Variants in CEP85 observed in about 807,000 individuals in gnomAD.
CEP85 encodes the protein centrosomal protein 85, also known as centrosomal protein of 85 kDa.
A neutral mutation model predicts 93.7 loss-of-function variants in CEP85; 58 were observed. The observed-to-expected ratio is 0.62, with a 90% CI of 0.50 to 0.77. CEP85 has a LOEUF of 0.77. Among genes scored for constraint, CEP85 ranks in the 30% least tolerant of loss-of-function variants. The pLI is 0.00. For missense variants in CEP85, 868 were observed against 922.0 expected (o/e 0.94, Z 0.76); for synonymous variants, 314 against 338.6 (o/e 0.93, Z 0.80).
In CEP85 at chr1:26,245,987, A is replaced by G. The variant is rs895392642; in HGVS notation, c.208+1669A>G. Reference sequence around the variant, plus strand: ...ATAGTGAGACCCTGTCTCAAAAAAAAAAAGTAAGTTCAATCACTTTGTTAC... The same window carrying G: ...ATAGTGAGACCCTGTCTCAAAAAAAGAAAGTAAGTTCAATCACTTTGTTAC... On this transcript the variant is annotated intron_variant, in intron 3 of 13. Transcript: ENST00000451429. Among the ~76,000 whole-genome samples the G allele has an allele frequency of 9.9e-5, 15 of 151,878 alleles. No individual in the cohort carries two copies. The South Asian group carries it at 3.1e-3, about 32-fold the overall frequency.
chr1:26,255,601 C>CA lies in CEP85; in HGVS notation c.640dup (p.Thr214AsnfsTer3). 1 of 1,614,102 alleles carries CA rather than the reference C, an allele frequency of 6.2e-7. No individual in the cohort carries two copies. Among genetic ancestry groups the CA allele is most frequent in the Non-Finnish European group, 8.5e-7 (1 of 1,180,022 alleles). On this transcript the variant is annotated frameshift_variant, in exon 4 of 14. Transcript: ENST00000451429. LOFTEE classifies it high-confidence loss of function. ...TCCGCTTCCACAACCCAAGAACCAG[C>CA]ACAAGTAAGGAGTTGTACAGAGTGT...
At chr1:26,236,032 GCTGT>G (rs2089322088) in intron 1 of CEP85, among the ~76,000 whole-genome samples, 1 of 152,224 alleles carries the variant, frequency 6.6e-6, no homozygotes, top group Admixed American at 6.5e-5. Flanking sequence ...TGCAGCTCTA[GCTGT>G]CTGAGGCAGA....
chr1:26,274,493 A>T (rs1020766453), intron 11 of CEP85, among the ~76,000 whole-genome samples: 2 of 152,240 alleles, frequency 1.3e-5, no homozygotes, highest in African/African-American at 4.8e-5. Context: ...GATGGATATG[A>T]TAGCAAGGTA....
intron 12 of CEP85, among the ~76,000 whole-genome samples, chr1:26,275,555 A>C (rs2124616952): frequency 6.6e-6 from 1 of 152,326 alleles, no homozygotes; most frequent in Middle Eastern, 3.4e-3. Flanking sequence ...CTGGGATTAC[A>C]GTCGTGAGCC....
intron 8 of CEP85, among the ~76,000 whole-genome samples, chr1:26,268,873 G>T (rs1042219066): frequency 6.6e-6 from 1 of 152,184 alleles, no homozygotes; most frequent in Non-Finnish European, 1.5e-5. Flanking sequence ...GAATCAGTAA[G>T]TTCAGGTCTC....
intron 2 of CEP85, among the ~76,000 whole-genome samples, chr1:26,240,792 G>C (rs1339562319): frequency 6.6e-6 from 1 of 152,094 alleles, no homozygotes; most frequent in Non-Finnish European, 1.5e-5. Flanking sequence ...CAGCTACTTG[G>C]GAGGCTGAGG....
intron 2 of CEP85, among the ~76,000 whole-genome samples, chr1:26,241,244 A>ATTTTTTTTTTC: frequency 9.2e-6 from 1 of 109,288 alleles, no homozygotes; most frequent in South Asian, 2.7e-4. Context: ...ATTCAGCAGA[A>ATTTTTTTTTTC]TTTTTTTTTT....
At chr1:26,255,136 C>T in intron 3 of CEP85, 35 bp from the exon 4 acceptor site, 1 of 1,567,930 alleles carries the variant, frequency 6.4e-7, no homozygotes, top group Non-Finnish European at 8.7e-7. Context: ...CTTGCTACTT[C>T]AATTTTTACT....
chr1:26,257,777 C>G (rs374961559), intron 5 of CEP85, 47 bp downstream of exon 5: 9 of 1,603,246 alleles, frequency 5.6e-6, no homozygotes, highest in Non-Finnish European at 7.7e-6. Context: ...CTCCCAGGCC[C>G]CATTGAAGAC....
chr1:26,271,939 A>G, intron 10 of CEP85, 82 bp from the exon 11 acceptor site: 1 of 1,171,608 alleles, frequency 8.5e-7, no homozygotes. Context: ...GCCAGACCAC[A>G]TGTCCTAGTG....
At chr1:26,262,481 C>CA (rs1181454179) in intron 7 of CEP85, among the ~76,000 whole-genome samples, 7 of 140,272 alleles carry the variant, frequency 5.0e-5, no homozygotes, top group South Asian at 2.5e-4. Context: ...GAGTCTGTCT[C>CA]AAAAAAAACA....
chr1:26,242,057 C>T (rs547130361), intron 2 of CEP85, among the ~76,000 whole-genome samples: 5 of 152,126 alleles, frequency 3.3e-5, no homozygotes, highest in East Asian at 3.9e-4. Flanking sequence ...CCACTGCACC[C>T]GGCCAACTTC....
intron 7 of CEP85, among the ~76,000 whole-genome samples, chr1:26,264,764 A>G (rs17162105): frequency 0.17 from 25,095 of 151,932 alleles, 2,174 homozygotes; most frequent in Middle Eastern, 0.21. Context: ...TGGATTCTTG[A>G]TGTTGAGGAG....
At chr1:26,250,914 CTTTTTTTTTTCTTTTTTCTTTT>C (rs1557653581) in intron 3 of CEP85, among the ~76,000 whole-genome samples, 4 of 116,922 alleles carry the variant, frequency 3.4e-5, no homozygotes, top group African/African-American at 6.6e-5. Context: ...CCAAGCTTGC[CTTTTTTTTTTCTTTTTTCTTTT>C]TTTTTTTTTT....
rs1281657549 is a variant in CEP85, at chr1:26,253,391, T to C, written c.209-1780T>C. On this transcript the variant is annotated intron_variant, in intron 3 of 13. Transcript: ENST00000451429. ...CTCTCCAAACTTGTTATCTTTCATC[T>C]TTTTTTTTTTTTTTTTGAGATGGAG... Among the ~76,000 whole-genome samples, 7 of 97,888 alleles carry C rather than the reference T, an allele frequency of 7.2e-5. No homozygotes were observed. The East Asian group carries it at 1.3e-3, about 18-fold the overall frequency. The allele number at this position is 97,888 out of a possible 152,430, so 64.2% of individuals were successfully genotyped here.
intron 6 of CEP85, 22 bp from the exon 7 acceptor site, chr1:26,259,595 A>T: frequency 6.3e-7 from 1 of 1,594,488 alleles, no homozygotes; most frequent in East Asian, 2.2e-5. Context: ...GAACAGTTAC[A>T]TATTGAGAAT....
rs558946227 is a variant in CEP85 at position 26,235,092 on chromosome 1, G to A, written c.-23+782G>A. Reference sequence around the variant, plus strand: ...CTTTGGTTGAACTGAAAGTTAGTGTGTTCAGGTTTATTTGTTCAACAGTAT... The same window carrying A: ...CTTTGGTTGAACTGAAAGTTAGTGTATTCAGGTTTATTTGTTCAACAGTAT... On this transcript the variant is annotated intron_variant, in intron 1 of 13. Coordinates refer to ENST00000451429, the MANE Select transcript of CEP85 (RefSeq NM_001319944.2). Among the ~76,000 whole-genome samples the A allele has an allele frequency of 7.2e-5, 11 of 152,314 alleles. No individual in the cohort carries two copies. The South Asian group carries it at 1.9e-3, about 26-fold the overall frequency.
At chr1:26,250,914 CTTTTTTT>C (rs1246918932) in intron 3 of CEP85, among the ~76,000 whole-genome samples, 9 of 116,932 alleles carry the variant, frequency 7.7e-5, no homozygotes, top group Admixed American at 2.9e-4. Flanking sequence ...CCAAGCTTGC[CTTTTTTT>C]TTTCTTTTTT....
chr1:26,257,890 A>G (rs2089733363), intron 5 of CEP85, among the ~76,000 whole-genome samples, 160 bp downstream of exon 5: 1 of 152,170 alleles, frequency 6.6e-6, no homozygotes, highest in Admixed American at 6.5e-5. Context: ...TCGTGTATAT[A>G]TAACTAATAT....
Sources: gnomAD v4.1 joint callset for allele counts (sites outside exome capture counted in the v4.1 genomes callset) on GRCh38, gnomAD v4.1.1 for gene constraint, MANE v1.5 for transcripts, NCBI Gene and HGNC (gene_info 2026-07-23, HGNC 2026-07-21) for gene names.